The following SLC38A2 variants were observed in gnomAD, a reference collection of about 807,000 sequenced individuals.
SLC38A2 encodes the protein sodium-coupled neutral amino acid symporter 2.
A neutral mutation model predicts 61.5 loss-of-function variants in SLC38A2; 11 were observed. The observed-to-expected ratio is 0.18, with a 90% CI of 0.11 to 0.30. SLC38A2 has a LOEUF of 0.30. SLC38A2 is among the 10% of genes least tolerant of loss of function. The pLI is 1.00. For missense variants in SLC38A2, 522 were observed against 600.4 expected, an observed-to-expected ratio of 0.87 and a Z score of 1.36; for synonymous variants, 217 against 212.5, an observed-to-expected ratio of 1.02 and a Z score of -0.18.
chr12:46,368,837 T>C (rs987344767), intron 4 of SLC38A2, among the ~76,000 whole-genome samples: 3 of 152,188 alleles, frequency 2.0e-5, no homozygotes, highest in Non-Finnish European at 4.4e-5. Flanking sequence ...TGACAAGGGA[T>C]GAATAGACTT....
At position 46,364,445 on chromosome 12, in the gene SLC38A2, G is replaced by A. The variant is rs775774171; in HGVS notation, c.817C>T (p.His273Tyr). Residue 273 changes from histidine to tyrosine, a missense_variant, in exon 10 of 16, where the codon CAT becomes TAT. This residue lies in a region of SLC38A2 where 309 missense variants were observed against 343.9 expected (regional missense o/e 0.90). Transcript: ENST00000256689. ...QPTALVPALS[H>Y]NVTENDSCRP... ...CAAGAGTCATTTTCAGTCACGTTAT[G>A]TGACAAAGCAGGTACAAGAGCTGTT... is the stretch of plus-strand genomic sequence containing the variant. The A allele has an allele frequency of 6.8e-6, 11 of 1,609,104 alleles. No individual in the cohort carries two copies. The highest frequency in any genetic ancestry group is 5.4e-5 in the African/African-American group (4 of 74,514).
Position 46,362,510 on chromosome 12 carries a change from A to G in SLC38A2, c.1308T>C (p.Asp436=). The G allele has an allele frequency of 6.3e-7, 1 of 1,596,930 alleles. No individual in the cohort carries two copies. ...LLVIFVPTIR[D]IFGFIGASAA... Reference sequence around the variant, plus strand: ...AAAACTTACCAATAAAACCAAAGATATCCCTAATAGTTGGGACAAAGATGA... The same window carrying G: ...AAAACTTACCAATAAAACCAAAGATGTCCCTAATAGTTGGGACAAAGATGA... Residue 436 remains aspartate (D), a synonymous_variant, in exon 14 of 16, where the codon GAT becomes GAC. Coordinates refer to ENST00000256689, the MANE Select transcript of SLC38A2 (RefSeq NM_018976.5).
At chr12:46,364,885 A>G (rs956168597) in intron 8 of SLC38A2, 183 bp from the exon 9 acceptor site, 1 of 668,048 alleles carries the variant, frequency 1.5e-6, no homozygotes, top group Non-Finnish European at 2.5e-6. Flanking sequence ...TACTTGTCAT[A>G]ACCCAAGCTA....
rs1565828153 is a variant in SLC38A2, at chr12:46,364,722, GA to G, written c.647-21del. The G allele has an allele frequency of 6.3e-7, 1 of 1,591,968 alleles. No homozygotes were observed. Among genetic ancestry groups the G allele is most frequent in the East Asian group, 2.2e-5 (1 of 44,738 alleles). ...AATATCCTATAAGGAGGGGTGGCAGGAATCAGTATTAGTTTAATGAAACAGA... is the reference window on the plus strand; with the variant it reads ...AATATCCTATAAGGAGGGGTGGCAGGATCAGTATTAGTTTAATGAAACAGA... On this transcript the variant is annotated intron_variant, in intron 8 of 15. Transcript: ENST00000256689.
At chr12:46,365,286 A>AAC in intron 7 of SLC38A2, 97 bp from the exon 8 acceptor site, 1 of 966,104 alleles carries the variant, frequency 1.0e-6, no homozygotes, top group Non-Finnish European at 1.6e-6. Context: ...ATACCATGAA[A>AAC]ACAAACACAC....
Position 46,367,188 on chromosome 12 carries a change from G to A in SLC38A2, c.389-20C>T. ...AAGACCCTACAATTTGAAGACAGAA[G>A]CATGAAGCCAAGGATTTTAAAAGAG... is the stretch of plus-strand genomic sequence containing the variant. On this transcript the variant is annotated intron_variant, in intron 5 of 15. Coordinates refer to ENST00000256689, the MANE Select transcript of SLC38A2 (RefSeq NM_018976.5). 6.2e-7 allele frequency: 1 copy of A among 1,601,498 alleles called. No individual in the cohort carries two copies. Among genetic ancestry groups the A allele is most frequent in the Non-Finnish European group, 8.6e-7 (1 of 1,169,538 alleles).
At chr12:46,364,240 C>G (rs1476635771) in intron 10 of SLC38A2, 149 bp downstream of exon 10, 4 of 930,402 alleles carry the variant, frequency 4.3e-6, no homozygotes, top group South Asian at 1.9e-5. Context: ...AGATGTAAAC[C>G]AAAACTTTCT....
chr12:46,364,430 T>G lies in SLC38A2; in HGVS notation c.832A>C (p.Asn278His). Reference sequence around the variant, plus strand: ...AAATAGTGAGGTCTGCAAGAGTCATTTTCAGTCACGTTATGTGACAAAGCA... The same window carrying G: ...AAATAGTGAGGTCTGCAAGAGTCATGTTCAGTCACGTTATGTGACAAAGCA... ...VPALSHNVTE[N>H]DSCRPHYFIF... Residue 278 changes from asparagine (N) to histidine (H), a missense_variant, in exon 10 of 16, where the codon AAT becomes CAT. Around this residue, in one of 3 missense-constraint regions of SLC38A2, gnomAD observed 309 missense variants for 343.9 expected, o/e 0.90. Coordinates refer to ENST00000256689, the MANE Select transcript of SLC38A2 (RefSeq NM_018976.5). 1 of 1,602,402 alleles carries G rather than the reference T, an allele frequency of 6.2e-7. No individual in the cohort carries two copies. The highest frequency in any genetic ancestry group is 8.5e-7 in the Non-Finnish European group (1 of 1,176,666).
rs1208723707 is a variant in SLC38A2, at chr12:46,372,717, G to A, written c.-295C>T. On this transcript the variant is annotated 5_prime_UTR_variant, in exon 1 of 16. Coordinates refer to ENST00000256689, the MANE Select transcript of SLC38A2 (RefSeq NM_018976.5). ...CGCGAGCGTGCGGTAACGCGTGGTC[G>A]GGCTGCTGCTAGCAGTACTGGAAAG... is the stretch of plus-strand genomic sequence containing the variant. 8 of 398,342 alleles carry A rather than the reference G, an allele frequency of 2.0e-5. No individual in the cohort carries two copies. Among genetic ancestry groups the A allele is most frequent in the South Asian group, 1.3e-4 (1 of 7,864 alleles). The allele number at this position is 398,342 out of a possible 1,614,324, so 24.7% of individuals were successfully genotyped here.
At chr12:46,371,788 T>C (rs1007485093) in intron 1 of SLC38A2, among the ~76,000 whole-genome samples, 2 of 152,190 alleles carry the variant, frequency 1.3e-5, no homozygotes, top group Admixed American at 6.5e-5. Flanking sequence ...TTTCCGTTTC[T>C]AGCATTTGGA....
In SLC38A2 at chr12:46,371,312, T is replaced by C. The variant is rs1477921374; in HGVS notation, c.-19A>G. ...TCTTCATGCTAAGCACTGGGAGGAA[T>C]CGGGTGCAGCTAGTAGCGCTGGGCT... On this transcript the variant is annotated 5_prime_UTR_variant, in exon 2 of 16. Transcript: ENST00000256689. 6.3e-7 allele frequency: 1 copy of C among 1,599,928 alleles called. No homozygotes were observed. Among genetic ancestry groups the C allele is most frequent in the Non-Finnish European group, 8.6e-7 (1 of 1,167,092 alleles).
chr12:46,371,477 C>T (rs562594375), intron 1 of SLC38A2, 98 bp from the exon 2 acceptor site: 24 of 569,668 alleles, frequency 4.2e-5, no homozygotes, highest in African/African-American at 3.4e-4. Flanking sequence ...CATCCCAGGC[C>T]AGGCGAGTGG....
At position 46,370,794 on chromosome 12, in the gene SLC38A2, C is replaced by T. The variant is rs773371248; in HGVS notation, c.180G>A (p.Lys60=). The T allele has an allele frequency of 2.5e-6, 4 of 1,613,044 alleles. No homozygotes were observed. Among genetic ancestry groups the T allele is most frequent in the East Asian group, 2.2e-5 (1 of 44,846 alleles). ...NFLLESNLGK[K]KYETEFHPGT... ...AACTTACAAATTCTGTTTCATACTTCTTCTTCCCCAAATTCGATTCAAGTA... is the reference window on the plus strand; with the variant it reads ...AACTTACAAATTCTGTTTCATACTTTTTCTTCCCCAAATTCGATTCAAGTA... Residue 60 remains lysine (K), a synonymous_variant, in exon 3 of 16, where the codon AAG becomes AAA. Transcript: ENST00000256689.
At chr12:46,367,890 T>A (rs943179070) in intron 4 of SLC38A2, among the ~76,000 whole-genome samples, 2 of 151,960 alleles carry the variant, frequency 1.3e-5, no homozygotes, top group Non-Finnish European at 2.9e-5. Context: ...CCCAGCACTC[T>A]AGGAGGCTGG....
Position 46,364,633 on chromosome 12 carries a change from A to T in SLC38A2, c.705+11T>A, listed in dbSNP as rs980239078. The T allele has an allele frequency of 1.9e-6, 3 of 1,603,930 alleles. No individual in the cohort carries two copies. Among genetic ancestry groups the T allele is most frequent in the Admixed American group, 3.4e-5 (2 of 58,010 alleles). The stretch of plus-strand genomic sequence containing the variant: ...ATAAAAAATTTTTTCTAAAAAAAAA[A>T]TCATACCCACCACAATCAGAAAGAA... On this transcript the variant is annotated intron_variant, in intron 9 of 15. Coordinates refer to ENST00000256689, the MANE Select transcript of SLC38A2 (RefSeq NM_018976.5).
Position 46,358,366 on chromosome 12 carries a change from A to G in SLC38A2, c.*2745T>C, listed in dbSNP as rs556150567. On this transcript the variant is annotated 3_prime_UTR_variant, in exon 16 of 16. Coordinates refer to ENST00000256689, the MANE Select transcript of SLC38A2 (RefSeq NM_018976.5). Reference sequence around the variant, plus strand: ...ACACCCAGGTTCTCAAAGGTCTTCCATTACACTAGATCACATTTTATTTCA... The same window carrying G: ...ACACCCAGGTTCTCAAAGGTCTTCCGTTACACTAGATCACATTTTATTTCA... 5.5e-4 allele frequency: 84 copies of G among 152,148 alleles called. No homozygotes were observed. The highest frequency in any genetic ancestry group is 1.9e-3 in the African/African-American group (79 of 41,472). 9.4% of individuals were successfully genotyped at this position (152,148 alleles called of 1,614,324 possible).
At chr12:46,362,192 A>G (rs999149248) in intron 15 of SLC38A2, 92 bp downstream of exon 15, 13 of 1,041,472 alleles carry the variant, frequency 1.2e-5, no homozygotes, top group African/African-American at 3.3e-5. Flanking sequence ...AAGTGAAACC[A>G]TAACAAATAA....
chr12:46,364,941 G>A, intron 8 of SLC38A2, 166 bp downstream of exon 8: 1 of 719,208 alleles, frequency 1.4e-6, no homozygotes, highest in Non-Finnish European at 2.3e-6. Context: ...ACAACATATA[G>A]TGTCAATTAA....
chr12:46,370,226 T>C (rs566437882), intron 4 of SLC38A2, among the ~76,000 whole-genome samples: 1 of 152,380 alleles, frequency 6.6e-6, no homozygotes, highest in South Asian at 2.1e-4. Context: ...TTTTTTAATA[T>C]CTACCATCTG....
Sources: allele counts gnomAD v4.1 joint callset (sites outside exome capture counted in the v4.1 genomes callset), GRCh38; gene constraint gnomAD v4.1.1; regional missense constraint gnomAD v4.1.1; transcripts MANE v1.5; gene names NCBI Gene and HGNC (gene_info 2026-07-23, HGNC 2026-07-21).